The following ADAM9 variants were observed in gnomAD, a reference collection of about 807,000 sequenced individuals.
ADAM9 encodes the protein ADAM metallopeptidase domain 9, also known as disintegrin and metalloproteinase domain-containing protein 9.
Under a neutral mutation model 108.1 loss-of-function variants are expected in ADAM9, and 54 were observed. The observed-to-expected ratio is 0.50, with a 90% CI of 0.40 to 0.63. ADAM9 has a LOEUF of 0.63. Ranked by LOEUF, ADAM9 falls within the 20% of genes least tolerant of loss-of-function variation. The probability of loss-of-function intolerance (pLI) is 0.00; values close to 1 mark genes in which losing one functional copy is unlikely to be tolerated. For synonymous variants in ADAM9, 316 were observed against 336.0 expected, an observed-to-expected ratio of 0.94 and a Z score of 0.65; for missense variants, 830 against 997.7, an observed-to-expected ratio of 0.83 and a Z score of 2.26.
intron 4 of ADAM9, chr8:39,014,770 G>A (rs1190368054): frequency 2.1e-6 from 1 of 469,484 alleles, no homozygotes; most frequent in East Asian, 3.3e-5. Context: ...ATGTTGAATT[G>A]TTTCTGTTGG....
chr8:39,035,884 G>A (rs532680929), intron 11 of ADAM9, among the ~76,000 whole-genome samples: 11 of 152,154 alleles, frequency 7.2e-5, no homozygotes, highest in African/African-American at 1.7e-4. Flanking sequence ...GTTATCCTAG[G>A]TAATACATAT....
chr8:39,045,379 C>CG (rs1564301099), intron 12 of ADAM9, among the ~76,000 whole-genome samples: 4,125 of 37,562 alleles, frequency 0.11, 528 homozygotes, highest in African/African-American at 0.18. Context: ...TGTACATACA[C>CG]CTATAGGTGT....
At chr8:39,000,349 ATGT>A (rs372144853) in intron 1 of ADAM9, among the ~76,000 whole-genome samples, 40 of 152,266 alleles carry the variant, frequency 2.6e-4, no homozygotes, top group African/African-American at 8.9e-4. Context: ...GGGTAGCACA[ATGT>A]TGTTTGTATA....
chr8:39,041,862 A>T (rs1564289799), intron 11 of ADAM9, 84 bp from the exon 12 acceptor site: 1 of 1,252,670 alleles, frequency 8.0e-7, no homozygotes, highest in Admixed American at 1.8e-5. Context: ...AAATATTCAC[A>T]TTTTGTGGGT....
intron 19 of ADAM9, 101 bp downstream of exon 19, chr8:39,090,289 CA>C (rs1839312615): frequency 2.9e-6 from 3 of 1,028,872 alleles, no homozygotes; most frequent in Non-Finnish European, 4.3e-6. Context: ...CCCCCTGCCT[CA>C]GCCTTCCAAG....
intron 16 of ADAM9, among the ~76,000 whole-genome samples, chr8:39,080,261 A>T (rs561271505): frequency 1.3e-5 from 2 of 152,258 alleles, no homozygotes; most frequent in Admixed American, 1.3e-4. Context: ...TGTAAGCTAT[A>T]CCACTATTAC....
chr8:39,104,200 AG>A lies in ADAM9; in HGVS notation c.*501del, dbSNP rs2129443706. ...CACGAATTAATAATCATCATACTCT[AG>A]AATCTTGTCTGTCACTCACTACATG... On this transcript the variant is annotated 3_prime_UTR_variant, in exon 22 of 22. Coordinates refer to ENST00000487273, the MANE Select transcript of ADAM9 (RefSeq NM_003816.3). 2.2e-6 allele frequency: 1 copy of A among 454,124 alleles called. No homozygotes were observed. Among genetic ancestry groups the A allele is most frequent in the South Asian group, 1.6e-5 (1 of 64,448 alleles). 28.1% of individuals were successfully genotyped at this position (454,124 alleles called of 1,614,324 possible).
chr8:39,008,347 A>G (rs185765898), intron 2 of ADAM9, among the ~76,000 whole-genome samples: 2 of 151,786 alleles, frequency 1.3e-5, no homozygotes, highest in East Asian at 3.9e-4. Flanking sequence ...ATTTTTTGGT[A>G]TTTTTCAGTA....
intron 20 of ADAM9, among the ~76,000 whole-genome samples, chr8:39,091,932 G>A (rs1839369264): frequency 6.6e-6 from 1 of 152,164 alleles, no homozygotes; most frequent in African/African-American, 2.4e-5. Flanking sequence ...TTCTGTGTCT[G>A]CTCTTTTCCT....
Position 39,017,428 on chromosome 8 carries a change from A to G in ADAM9, c.606+14A>G, listed in dbSNP as rs770935499. ...CAGCTACTTCGAGTAAGGAAATAAC[A>G]TAATTCTTCATGGCTCAGACTACCA... On this transcript the variant is annotated intron_variant, in intron 6 of 21. Coordinates refer to ENST00000487273, the MANE Select transcript of ADAM9 (RefSeq NM_003816.3). 4 of 1,610,046 alleles carry G rather than the reference A, an allele frequency of 2.5e-6. No homozygotes were observed. Among genetic ancestry groups the G allele is most frequent in the Non-Finnish European group, 3.4e-6 (4 of 1,176,980 alleles).
At chr8:39,066,660 T>A (rs1052851141) in intron 14 of ADAM9, among the ~76,000 whole-genome samples, 1 of 152,186 alleles carries the variant, frequency 6.6e-6, no homozygotes, top group Non-Finnish European at 1.5e-5. Flanking sequence ...AGCCCTTTGT[T>A]AGATGAGTAG....
intron 15 of ADAM9, among the ~76,000 whole-genome samples, chr8:39,072,290 C>T (rs1021622739): frequency 6.6e-6 from 1 of 152,152 alleles, no homozygotes; most frequent in Admixed American, 6.5e-5. Flanking sequence ...GTAATATTAT[C>T]ATTGCTTCTA....
chr8:39,004,386 A>G (rs542644208), intron 1 of ADAM9, among the ~76,000 whole-genome samples: 9 of 151,652 alleles, frequency 5.9e-5, no homozygotes, highest in Non-Finnish European at 1.3e-4. Flanking sequence ...ACTAATTTTT[A>G]AATTTTTTTG....
At chr8:39,019,839 T>G (rs1836675587) in intron 7 of ADAM9, among the ~76,000 whole-genome samples, 1 of 152,170 alleles carries the variant, frequency 6.6e-6, no homozygotes, top group African/African-American at 2.4e-5. Context: ...TATTAAGAGA[T>G]AGACTTGGAT....
At chr8:39,077,156 A>G in intron 15 of ADAM9, 72 bp from the exon 16 acceptor site, 1 of 1,519,720 alleles carries the variant, frequency 6.6e-7, no homozygotes, top group East Asian at 2.3e-5. Flanking sequence ...TCCATATGCA[A>G]ATATATAAAT....
chr8:39,066,749 A>G (rs1340089289), intron 14 of ADAM9, among the ~76,000 whole-genome samples: 1 of 152,120 alleles, frequency 6.6e-6, no homozygotes, highest in Non-Finnish European at 1.5e-5. Context: ...GAAGCTCTTT[A>G]GTTTAATTAG....
intron 12 of ADAM9, among the ~76,000 whole-genome samples, chr8:39,045,570 G>GTGTGTGTGTATA (rs1837738753): frequency 1.1e-5 from 1 of 95,194 alleles, no homozygotes; most frequent in African/African-American, 3.2e-5. Flanking sequence ...GTGTGTGTGT[G>GTGTGTGTGTATA]TATATATATA....
chr8:39,032,960 C>G (rs900555177), intron 11 of ADAM9, among the ~76,000 whole-genome samples: 1 of 152,186 alleles, frequency 6.6e-6, no homozygotes, highest in African/African-American at 2.4e-5. Context: ...TCTATATCCA[C>G]AAACTAATTT....
chr8:39,077,111 C>T, intron 15 of ADAM9, 117 bp from the exon 16 acceptor site: 1 of 1,134,690 alleles, frequency 8.8e-7, no homozygotes, highest in Non-Finnish European at 1.3e-6. Flanking sequence ...CATACACTTT[C>T]TCTGTTGAGA....
Sources: allele counts gnomAD v4.1 joint callset (sites outside exome capture counted in the v4.1 genomes callset), GRCh38; gene constraint gnomAD v4.1.1; transcripts MANE v1.5; gene names NCBI Gene and HGNC (gene_info 2026-07-23, HGNC 2026-07-21).